CHCHD6: variants seen among roughly 807,000 people sequenced by gnomAD.
CHCHD6 encodes the protein MICOS complex subunit MIC25.
Under a neutral mutation model 32.3 loss-of-function variants are expected in CHCHD6, and 28 were observed. The ratio of observed to expected loss-of-function variants is 0.87; its 90% CI spans 0.64 to 1.19. CHCHD6 has a LOEUF of 1.19. CHCHD6 is among the 50% of genes most tolerant of loss of function. CHCHD6 has a pLI of 0.00. For missense variants in CHCHD6, 333 were observed against 307.0 expected (o/e 1.08, Z -0.63); for synonymous variants, 122 against 117.5 (o/e 1.04, Z -0.25).
At chr3:126,859,277 G>T (rs1389745953) in intron 5 of CHCHD6, among the ~76,000 whole-genome samples, 2 of 152,174 alleles carry the variant, frequency 1.3e-5, no homozygotes, top group Non-Finnish European at 2.9e-5. Context: ...CCGCATGCAG[G>T]GCTGGTAGTG....
At chr3:126,862,729 A>T (rs1474568386) in intron 5 of CHCHD6, among the ~76,000 whole-genome samples, 5 of 40,442 alleles carry the variant, frequency 1.2e-4, no homozygotes, top group Non-Finnish European at 1.8e-4. Context: ...TACCATCACC[A>T]CCTCCTCCTC....
At position 126,943,307 on chromosome 3, in the gene CHCHD6, C is replaced by T. The variant is rs114093933; in HGVS notation, c.567-14109C>T. Among the ~76,000 whole-genome samples, 354 of 152,302 alleles carry T rather than the reference C, an allele frequency of 2.3e-3. 1 individual carries two copies. The highest frequency in any genetic ancestry group is 7.9e-3 in the African/African-American group (327 of 41,544). ...GTTTTTTCGGAAAACAACTCAAAGT[C>T]CTTTCGTGACTTCAGGTTGATGGAA... is the stretch of plus-strand genomic sequence containing the variant. On this transcript the variant is annotated intron_variant, in intron 6 of 7. Coordinates refer to ENST00000290913, the MANE Select transcript of CHCHD6 (RefSeq NM_032343.3).
intron 4 of CHCHD6, among the ~76,000 whole-genome samples, chr3:126,789,110 G>A (rs1429385627): frequency 6.6e-6 from 1 of 152,214 alleles, no homozygotes; most frequent in East Asian, 1.9e-4. Flanking sequence ...AGGTTGTTCA[G>A]TTTCCATATA....
chr3:126,772,686 G>C (rs1333075754), intron 4 of CHCHD6, among the ~76,000 whole-genome samples: 1 of 152,138 alleles, frequency 6.6e-6, no homozygotes, highest in Non-Finnish European at 1.5e-5. Context: ...TCTTTATCCA[G>C]CTTGCCACTC....
intron 4 of CHCHD6, among the ~76,000 whole-genome samples, chr3:126,804,490 A>G (rs1939253071): frequency 6.6e-6 from 1 of 152,252 alleles, no homozygotes; most frequent in African/African-American, 2.4e-5. Flanking sequence ...CTCGACACAT[A>G]CACCCTCCCA....
intron 1 of CHCHD6, among the ~76,000 whole-genome samples, chr3:126,707,710 C>T (rs1358154464): frequency 6.6e-6 from 1 of 152,214 alleles, no homozygotes; most frequent in Non-Finnish European, 1.5e-5. Flanking sequence ...ATCAACTTTA[C>T]CGTCATGCAT....
intron 1 of CHCHD6, among the ~76,000 whole-genome samples, chr3:126,713,264 C>T (rs1198814967): frequency 6.6e-6 from 1 of 152,188 alleles, no homozygotes; most frequent in Non-Finnish European, 1.5e-5. Flanking sequence ...AAAAGCTTGT[C>T]TCCCTTCCAC....
intron 5 of CHCHD6, among the ~76,000 whole-genome samples, chr3:126,896,395 A>G (rs1458837097): frequency 1.3e-5 from 2 of 152,172 alleles, no homozygotes; most frequent in African/African-American, 2.4e-5. Flanking sequence ...GCCCAGAACC[A>G]GGAGGTGACA....
intron 5 of CHCHD6, among the ~76,000 whole-genome samples, chr3:126,871,048 T>G (rs1267134684): frequency 6.6e-6 from 1 of 152,210 alleles, no homozygotes; most frequent in Non-Finnish European, 1.5e-5. Flanking sequence ...TGGATTCATT[T>G]AGTGTGACTG....
intron 1 of CHCHD6, among the ~76,000 whole-genome samples, chr3:126,722,432 A>G (rs948277702): frequency 1.3e-5 from 2 of 152,218 alleles, no homozygotes; most frequent in African/African-American, 4.8e-5. Context: ...CAAAATGCTA[A>G]GATTACAGAT....
intron 4 of CHCHD6, among the ~76,000 whole-genome samples, chr3:126,787,519 TCTC>T (rs1430658274): frequency 6.6e-6 from 1 of 152,156 alleles, no homozygotes; most frequent in Non-Finnish European, 1.5e-5. Context: ...GGTTTGTAGT[TCTC>T]CTTGAAGAGG....
intron 4 of CHCHD6, among the ~76,000 whole-genome samples, chr3:126,827,719 GC>G (rs1401363629): frequency 6.6e-6 from 1 of 152,166 alleles, no homozygotes; most frequent in Non-Finnish European, 1.5e-5. Flanking sequence ...GGATTTTTGA[GC>G]AAGAAAAAGA....
At chr3:126,796,621 G>C (rs1938804514) in intron 4 of CHCHD6, among the ~76,000 whole-genome samples, 1 of 152,192 alleles carries the variant, frequency 6.6e-6, no homozygotes, top group Non-Finnish European at 1.5e-5. Context: ...ACCTGGCCCA[G>C]ATATGCCCCA....
At chr3:126,863,552 C>A (rs1337506242) in intron 5 of CHCHD6, among the ~76,000 whole-genome samples, 3 of 136,712 alleles carry the variant, frequency 2.2e-5, no homozygotes. Flanking sequence ...TCCACCATCA[C>A]CACCTCCTCC....
At chr3:126,942,267 G>T (rs2078571611) in intron 6 of CHCHD6, among the ~76,000 whole-genome samples, 1 of 152,184 alleles carries the variant, frequency 6.6e-6, no homozygotes, top group Non-Finnish European at 1.5e-5. Flanking sequence ...TGCTGTGAAG[G>T]CCTTATTTTC....
chr3:126,838,575 A>C (rs1052705322), intron 4 of CHCHD6, among the ~76,000 whole-genome samples: 1 of 152,176 alleles, frequency 6.6e-6, no homozygotes, highest in Admixed American at 6.5e-5. Flanking sequence ...TGCCAACCTC[A>C]TGGAATGGTG....
chr3:126,767,059 C>A, intron 4 of CHCHD6: 1 of 986,818 alleles, frequency 1.0e-6, no homozygotes. Context: ...AATGGGGAAC[C>A]AGTCTGTAGT....
intron 4 of CHCHD6, among the ~76,000 whole-genome samples, chr3:126,749,864 A>T (rs889328416): frequency 1.3e-5 from 2 of 152,236 alleles, no homozygotes; most frequent in Non-Finnish European, 2.9e-5. Context: ...TAGACAGTGT[A>T]GCTGGATGCC....
intron 6 of CHCHD6, among the ~76,000 whole-genome samples, chr3:126,945,773 G>A (rs1407999463): frequency 2.0e-5 from 3 of 150,606 alleles, no homozygotes; most frequent in South Asian, 2.1e-4. Context: ...AGACTCGAGC[G>A]GGGACACTCA....
Sources: gnomAD v4.1 joint callset for allele counts (sites outside exome capture counted in the v4.1 genomes callset) on GRCh38, gnomAD v4.1.1 for gene constraint, MANE v1.5 for transcripts, NCBI Gene and HGNC (gene_info 2026-07-23, HGNC 2026-07-21) for gene names.